LRCH1: variants seen among roughly 807,000 people sequenced by gnomAD.
LRCH1 encodes leucine rich repeats and calponin homology domain containing 1, also known as leucine-rich repeat and calponin homology domain-containing protein 1.
A neutral mutation model predicts 94.9 loss-of-function variants in LRCH1; 23 were observed. That is an observed-to-expected ratio of 0.24 (90% CI 0.17 to 0.34). The LOEUF is 0.34. Among genes scored for constraint, LRCH1 ranks in the 10% least tolerant of loss-of-function variants. The pLI, the probability that LRCH1 is intolerant of heterozygous loss-of-function variation, is 1.00. For missense variants in LRCH1, 790 were observed against 945.9 expected, an observed-to-expected ratio of 0.84 and a Z score of 2.16; for synonymous variants, 364 against 354.9, an observed-to-expected ratio of 1.03 and a Z score of -0.29.
At chr13:46,691,195 A>C (rs746806226) in intron 7 of LRCH1, among the ~76,000 whole-genome samples, 10 of 152,196 alleles carry the variant, frequency 6.6e-5, no homozygotes, top group Non-Finnish European at 1.5e-4. Context: ...TTGGAAAGCT[A>C]TTTCCTAAGT....
At chr13:46,751,591 T>C (rs1202428591) in exon 19 of LRCH1, 2 of 152,250 alleles carry the variant, frequency 1.3e-5, no homozygotes, top group African/African-American at 2.4e-5. Context: ...ATACTTCTTT[T>C]GCTATGCACA....
At chr13:46,584,161 G>A (rs11841476) in intron 1 of LRCH1, among the ~76,000 whole-genome samples, 4,620 of 152,230 alleles carry the variant, frequency 0.03, 192 homozygotes, top group African/African-American at 0.092. Flanking sequence ...ATTATAGTCC[G>A]TTCAATTCAC....
chr13:46,685,769 T>G (rs1593351351), intron 4 of LRCH1, 136 bp from the exon 5 acceptor site: 3 of 603,612 alleles, frequency 5.0e-6, no homozygotes, highest in East Asian at 3.0e-5. Flanking sequence ...GTATTCCTAA[T>G]GTACAACTTG....
At chr13:46,583,847 G>A (rs771063074) in intron 1 of LRCH1, among the ~76,000 whole-genome samples, 42 of 150,998 alleles carry the variant, frequency 2.8e-4, no homozygotes, top group Non-Finnish European at 4.9e-4. Context: ...TGCAACCTCC[G>A]CCTCTCAGGT....
At chr13:46,576,247 A>T (rs2050303042) in intron 1 of LRCH1, among the ~76,000 whole-genome samples, 2 of 152,236 alleles carry the variant, frequency 1.3e-5, no homozygotes, top group Non-Finnish European at 2.9e-5. Flanking sequence ...CAAGGTTCTC[A>T]TGCATGGCAG....
At chr13:46,582,836 C>G (rs1008110587) in intron 1 of LRCH1, among the ~76,000 whole-genome samples, 1 of 151,156 alleles carries the variant, frequency 6.6e-6, no homozygotes. Flanking sequence ...CAGTTAACTG[C>G]TACCAAGCTC....
chr13:46,740,117 T>C (rs1873577696), intron 19 of LRCH1, among the ~76,000 whole-genome samples: 1 of 152,240 alleles, frequency 6.6e-6, no homozygotes, highest in African/African-American at 2.4e-5. Flanking sequence ...AAGCACAACA[T>C]TGCAATAGAA....
intron 1 of LRCH1, among the ~76,000 whole-genome samples, chr13:46,584,789 A>C (rs577461220): frequency 1.3e-5 from 2 of 152,344 alleles, no homozygotes; most frequent in African/African-American, 2.4e-5. Context: ...ACAGTTTTAT[A>C]ATCAAAACCC....
chr13:46,634,324 C>T (rs1022551614), intron 1 of LRCH1, among the ~76,000 whole-genome samples: 1 of 152,220 alleles, frequency 6.6e-6, no homozygotes, highest in Admixed American at 6.5e-5. Flanking sequence ...TCTTCCCTGG[C>T]GAATCCTCCT....
At chr13:46,703,146 G>A (rs1232365025) in intron 11 of LRCH1, among the ~76,000 whole-genome samples, 1 of 152,178 alleles carries the variant, frequency 6.6e-6, no homozygotes, top group African/African-American at 2.4e-5. Context: ...GCCTGTATGT[G>A]TGTTTACGTG....
At chr13:46,712,195 GC>G (rs1402905187) in intron 14 of LRCH1, among the ~76,000 whole-genome samples, 1 of 152,174 alleles carries the variant, frequency 6.6e-6, no homozygotes, top group Non-Finnish European at 1.5e-5. Context: ...CATCAGATGT[GC>G]CCTCTTTTGG....
intron 1 of LRCH1, among the ~76,000 whole-genome samples, chr13:46,589,216 T>C (rs192047753): frequency 3.6e-4 from 54 of 151,928 alleles, no homozygotes; most frequent in Admixed American, 3.3e-3. Flanking sequence ...TTAATTTTAT[T>C]TCTATAGAGA....
chr13:46,664,872 A>C (rs1273241968), intron 2 of LRCH1, among the ~76,000 whole-genome samples: 1 of 152,146 alleles, frequency 6.6e-6, no homozygotes, highest in Admixed American at 6.5e-5. Context: ...AATCATCTCT[A>C]TGGTATTTGA....
chr13:46,559,045 C>A (rs2050101504), intron 1 of LRCH1, among the ~76,000 whole-genome samples: 1 of 152,228 alleles, frequency 6.6e-6, no homozygotes, highest in Non-Finnish European at 1.5e-5. Context: ...GACTTCCACA[C>A]CCTATTCCCA....
At chr13:46,657,159 T>C (rs559220197) in intron 2 of LRCH1, among the ~76,000 whole-genome samples, 2,125 of 63,762 alleles carry the variant, frequency 0.033, 43 homozygotes, top group African/African-American at 0.087. Flanking sequence ...CCTAATTCAA[T>C]TGTATTTTTT....
At chr13:46,554,088 C>A (rs945581180) in intron 1 of LRCH1, among the ~76,000 whole-genome samples, 3 of 152,248 alleles carry the variant, frequency 2.0e-5, no homozygotes, top group Non-Finnish European at 2.9e-5. Flanking sequence ...TTCCTGGGCC[C>A]CGCGCAGGGC....
At chr13:46,707,422 G>A (rs1871821307) in intron 13 of LRCH1, among the ~76,000 whole-genome samples, 2 of 152,200 alleles carry the variant, frequency 1.3e-5, no homozygotes, top group African/African-American at 2.4e-5. Flanking sequence ...CTTTGGTGAT[G>A]TTAATTTATC....
Position 46,723,259 on chromosome 13 carries a change from C to A in LRCH1, c.1798C>A (p.Pro600Thr). The change falls in exon 17 of 20, where the codon CCG becomes ACG. Residue 600 changes from proline to threonine, a missense_variant. Physicochemically the swap from Pro to Thr is conservative, Grantham distance 38 (BLOSUM62 -1). Transcript: ENST00000389797. ...TCAGAGAAATTTGGAATCTATAGAC[C>A]CGCAGTTTACAATCCGGAGGAAAAT... is the stretch of plus-strand genomic sequence containing the variant. The part of the protein sequence containing the change: ...RPQRNLESID[P>T]QFTIRRKMEQ... The A allele has an allele frequency of 6.2e-7, 1 of 1,613,638 alleles. No individual in the cohort carries two copies. Among genetic ancestry groups the A allele is most frequent in the East Asian group, 2.2e-5 (1 of 44,876 alleles).
chr13:46,621,429 A>G (rs976998023), intron 1 of LRCH1, among the ~76,000 whole-genome samples: 2 of 152,180 alleles, frequency 1.3e-5, no homozygotes, highest in Non-Finnish European at 2.9e-5. Context: ...TATATAATCA[A>G]GTTGAGATCT....
Sources: allele counts gnomAD v4.1 joint callset (sites outside exome capture counted in the v4.1 genomes callset), GRCh38; gene constraint gnomAD v4.1.1; transcripts MANE v1.5; gene names NCBI Gene and HGNC (gene_info 2026-07-23, HGNC 2026-07-21).